TNIK: variants seen among roughly 807,000 people sequenced by gnomAD.
TNIK encodes TRAF2 and NCK-interacting protein kinase.
A neutral mutation model predicts 191.3 loss-of-function variants in TNIK; 49 were observed. The ratio of observed to expected loss-of-function variants is 0.26; its 90% CI spans 0.20 to 0.32. The LOEUF is 0.32. TNIK is among the 10% of genes least tolerant of loss of function. The probability of loss-of-function intolerance (pLI) is 1.00; values close to 1 mark genes in which losing one functional copy is unlikely to be tolerated. For synonymous variants in TNIK, 594 were observed against 600.9 expected (o/e 0.99, Z 0.17); for missense variants, 1,155 against 1,702.3 (o/e 0.68, Z 5.66).
intron 2 of TNIK, among the ~76,000 whole-genome samples, chr3:171,255,544 C>A (rs1249413615): frequency 6.6e-6 from 1 of 152,094 alleles, no homozygotes; most frequent in Non-Finnish European, 1.5e-5. Flanking sequence ...GGCAAATTTC[C>A]AAAAAAGGTA....
chr3:171,171,949 A>T (rs1308676100), intron 9 of TNIK, among the ~76,000 whole-genome samples: 3 of 152,156 alleles, frequency 2.0e-5, no homozygotes, highest in African/African-American at 4.8e-5. Context: ...TAAATGGCTG[A>T]GCTGCCTGAA....
intron 28 of TNIK, among the ~76,000 whole-genome samples, chr3:171,076,522 G>A (rs1002923415): frequency 1.3e-5 from 2 of 152,152 alleles, no homozygotes; most frequent in African/African-American, 2.4e-5. Flanking sequence ...CCTTTGAACT[G>A]AAGGTGTCTA....
chr3:171,307,647 C>T (rs1387632127), intron 2 of TNIK, among the ~76,000 whole-genome samples: 1 of 152,040 alleles, frequency 6.6e-6, no homozygotes, highest in Non-Finnish European at 1.5e-5. Flanking sequence ...CCTATTTATC[C>T]TGGAAAAAGA....
chr3:171,122,982 T>C (rs991961527), intron 18 of TNIK, among the ~76,000 whole-genome samples: 1 of 152,212 alleles, frequency 6.6e-6, no homozygotes, highest in African/African-American at 2.4e-5. Context: ...ACTGTAGGAA[T>C]GTACATTATT....
At chr3:171,355,171 T>C (rs1165253050) in intron 2 of TNIK, among the ~76,000 whole-genome samples, 2 of 152,146 alleles carry the variant, frequency 1.3e-5, no homozygotes, top group African/African-American at 4.8e-5. Flanking sequence ...ATTAATCATC[T>C]GCTCATCCCA....
chr3:171,147,422 A>G (rs1162058703), intron 12 of TNIK, among the ~76,000 whole-genome samples: 1 of 152,184 alleles, frequency 6.6e-6, no homozygotes, highest in Non-Finnish European at 1.5e-5. Context: ...GCTTCTGGGC[A>G]TTCCATTTTC....
chr3:171,263,326 T>C (rs1272971966), intron 2 of TNIK, among the ~76,000 whole-genome samples: 2 of 152,224 alleles, frequency 1.3e-5, no homozygotes, highest in Non-Finnish European at 1.5e-5. Context: ...GGGATTTGCA[T>C]GCCCAAAGGC....
At chr3:171,275,872 G>A (rs1026594771) in intron 2 of TNIK, among the ~76,000 whole-genome samples, 16 of 151,882 alleles carry the variant, frequency 1.1e-4, no homozygotes, top group Non-Finnish European at 2.1e-4. Flanking sequence ...ACTCCAAGCT[G>A]GGCGACAGAG....
At chr3:171,071,010 A>G (rs1423506687) in intron 29 of TNIK, among the ~76,000 whole-genome samples, 2 of 152,220 alleles carry the variant, frequency 1.3e-5, no homozygotes, top group East Asian at 3.8e-4. Context: ...GATCTCAAGG[A>G]GGAGGGCATA....
intron 4 of TNIK, among the ~76,000 whole-genome samples, chr3:171,206,820 C>T (rs1319019241): frequency 6.6e-6 from 1 of 152,142 alleles, no homozygotes; most frequent in African/African-American, 2.4e-5. Flanking sequence ...CTATTAACCA[C>T]CCCTCTCCTT....
At chr3:171,426,387 A>G (rs1432893978) in intron 1 of TNIK, among the ~76,000 whole-genome samples, 2 of 123,472 alleles carry the variant, frequency 1.6e-5, no homozygotes, top group Non-Finnish European at 3.2e-5. Context: ...GGGGAACATC[A>G]CACACTGGGG....
At chr3:171,129,718 A>G (rs1728989045) in intron 15 of TNIK, among the ~76,000 whole-genome samples, 1 of 152,214 alleles carries the variant, frequency 6.6e-6, no homozygotes, top group Admixed American at 6.5e-5. Context: ...ACAGATCCCA[A>G]GGGCTTCACG....
chr3:171,243,449 T>A (rs1745222755), intron 2 of TNIK, among the ~76,000 whole-genome samples: 1 of 151,928 alleles, frequency 6.6e-6, no homozygotes, highest in Non-Finnish European at 1.5e-5. Context: ...AACACCTTCT[T>A]ATCCAACTCA....
chr3:171,282,640 G>A (rs913700444), intron 2 of TNIK, among the ~76,000 whole-genome samples: 4 of 152,070 alleles, frequency 2.6e-5, no homozygotes, highest in Admixed American at 1.3e-4. Context: ...CACCACGCCC[G>A]GCCTCTTAAT....
At chr3:171,185,177 C>CTGTGTGTGTGTGTGTG (rs879495222) in intron 7 of TNIK, among the ~76,000 whole-genome samples, 10 of 118,032 alleles carry the variant, frequency 8.5e-5, no homozygotes, top group African/African-American at 2.7e-4. Context: ...TATAGATTTC[C>CTGTGTGTGTGTGTGTG]CGTGTGTGTG....
chr3:171,311,831 A>G (rs1226446996), intron 2 of TNIK, among the ~76,000 whole-genome samples: 5 of 152,258 alleles, frequency 3.3e-5, no homozygotes. Flanking sequence ...TCCCTCTTTC[A>G]TCATCAACTT....
At chr3:171,076,666 T>G (rs1415805308) in intron 28 of TNIK, among the ~76,000 whole-genome samples, 1 of 152,194 alleles carries the variant, frequency 6.6e-6, no homozygotes, top group Non-Finnish European at 1.5e-5. Context: ...GGTACCTATT[T>G]TAAAAAGCCA....
At chr3:171,126,697 A>C (rs1025525578) in intron 16 of TNIK, among the ~76,000 whole-genome samples, 2 of 152,182 alleles carry the variant, frequency 1.3e-5, no homozygotes, top group African/African-American at 4.8e-5. Flanking sequence ...TGGAGCATGG[A>C]CTGGACCAGG....
intron 28 of TNIK, among the ~76,000 whole-genome samples, chr3:171,073,329 T>C (rs1401783167): frequency 1.3e-5 from 2 of 152,054 alleles, no homozygotes; most frequent in Non-Finnish European, 2.9e-5. Flanking sequence ...TGGCTAGCCA[T>C]ATGCAGAAGA....
Sources: allele counts gnomAD v4.1 joint callset (sites outside exome capture counted in the v4.1 genomes callset), GRCh38; gene constraint gnomAD v4.1.1; transcripts MANE v1.5; gene names NCBI Gene and HGNC (gene_info 2026-07-23, HGNC 2026-07-21).